The following ENTREP2 variants were observed in gnomAD, a reference collection of about 807,000 sequenced individuals.
ENTREP2 encodes endosomal transmembrane epsin interactor 2, also known as protein ENTREP2.
chr15:29,319,695 G>A, the ENTREP2 span, among the ~76,000 whole-genome samples: 1 of 152,212 alleles, frequency 6.6e-6, no homozygotes, highest in Non-Finnish European at 1.5e-5. Flanking sequence ...AGAGAGCTGA[G>A]GTTGCAGAAC....
At chr15:29,432,922 G>A in the ENTREP2 span, among the ~76,000 whole-genome samples, 15 of 152,190 alleles carry the variant, frequency 9.9e-5, no homozygotes, top group East Asian at 5.8e-4. Context: ...AACAGGCACC[G>A]GGTATAATCA....
the ENTREP2 span, among the ~76,000 whole-genome samples, chr15:29,313,185 T>C: frequency 6.6e-6 from 1 of 152,230 alleles, no homozygotes; most frequent in Non-Finnish European, 1.5e-5. Context: ...CAGAGGTTGG[T>C]TCCTGAAGTT....
At chr15:29,234,394 A>T in the ENTREP2 span, 1 of 1,551,564 alleles carries the variant, frequency 6.4e-7, no homozygotes, top group Admixed American at 1.7e-5. Context: ...TATTATTAAG[A>T]TGGGAAGCAA....
At chr15:29,411,812 C>T in the ENTREP2 span, among the ~76,000 whole-genome samples, 1 of 152,214 alleles carries the variant, frequency 6.6e-6, no homozygotes, top group Non-Finnish European at 1.5e-5. Flanking sequence ...CCACCTGACA[C>T]TGATTCTCTT....
the ENTREP2 span, among the ~76,000 whole-genome samples, chr15:29,275,749 T>C: frequency 6.6e-6 from 1 of 152,256 alleles, no homozygotes; most frequent in Non-Finnish European, 1.5e-5. Flanking sequence ...TCTTCATTCA[T>C]GGTATTTCTT....
the ENTREP2 span, among the ~76,000 whole-genome samples, chr15:29,489,265 T>C: frequency 6.6e-6 from 1 of 152,090 alleles, no homozygotes; most frequent in South Asian, 2.1e-4. Flanking sequence ...CCGAGAGAAA[T>C]ATGGAGCGAG....
chr15:29,398,673 A>G, the ENTREP2 span, among the ~76,000 whole-genome samples: 1 of 152,194 alleles, frequency 6.6e-6, no homozygotes, highest in East Asian at 1.9e-4. Context: ...GCAATGAGCC[A>G]AGATCACGCC....
chr15:29,510,391 A>G, the ENTREP2 span, among the ~76,000 whole-genome samples: 1 of 152,224 alleles, frequency 6.6e-6, no homozygotes, highest in Non-Finnish European at 1.5e-5. Flanking sequence ...TAGCAATCCC[A>G]TTACTGGGTA....
At chr15:29,450,094 T>G in the ENTREP2 span, among the ~76,000 whole-genome samples, 1 of 152,184 alleles carries the variant, frequency 6.6e-6, no homozygotes, top group South Asian at 2.1e-4. Context: ...TTAATGAGTT[T>G]CTTAGTTTTT....
the ENTREP2 span, among the ~76,000 whole-genome samples, chr15:29,371,858 A>G: frequency 4.6e-5 from 7 of 152,118 alleles, no homozygotes; most frequent in South Asian, 1.5e-3. Flanking sequence ...TCAATTTAGA[A>G]GGTAGAGCAT....
the ENTREP2 span, among the ~76,000 whole-genome samples, chr15:29,439,762 C>G: frequency 6.6e-6 from 1 of 152,218 alleles, no homozygotes; most frequent in Admixed American, 6.5e-5. Context: ...GGAGGCAAAG[C>G]TTAATCCTCC....
the ENTREP2 span, among the ~76,000 whole-genome samples, chr15:29,662,271 A>C: frequency 4.6e-5 from 7 of 151,796 alleles, no homozygotes; most frequent in African/African-American, 1.7e-4. Context: ...ACAGCTGCAT[A>C]ACTGAGGCTC....
the ENTREP2 span, among the ~76,000 whole-genome samples, chr15:29,420,517 T>C: frequency 2.6e-5 from 4 of 152,122 alleles, no homozygotes; most frequent in African/African-American, 9.7e-5. Flanking sequence ...TCACCGGGTA[T>C]GCAAAGCAGT....
the ENTREP2 span, among the ~76,000 whole-genome samples, chr15:29,322,302 G>C: frequency 6.6e-6 from 1 of 151,924 alleles, no homozygotes; most frequent in Non-Finnish European, 1.5e-5. Flanking sequence ...ATATTCTATT[G>C]GCAATTTTCA....
At chr15:29,585,824 C>T in the ENTREP2 span, among the ~76,000 whole-genome samples, 2 of 146,126 alleles carry the variant, frequency 1.4e-5, no homozygotes, top group African/African-American at 5.1e-5. Context: ...CCATTGCACT[C>T]CAGCCTGGGC....
chr15:29,297,581 CAT>C, the ENTREP2 span, among the ~76,000 whole-genome samples: 1 of 152,160 alleles, frequency 6.6e-6, no homozygotes, highest in African/African-American at 2.4e-5. Context: ...AGGCATCACA[CAT>C]TAAAAGTTGC....
the ENTREP2 span, among the ~76,000 whole-genome samples, chr15:29,191,504 G>A: frequency 1.3e-5 from 2 of 151,882 alleles, no homozygotes; most frequent in Middle Eastern, 6.8e-3. Context: ...AGGGCTCATG[G>A]AAAAAAAAGA....
the ENTREP2 span, among the ~76,000 whole-genome samples, chr15:29,403,665 CTA>C: frequency 6.6e-6 from 1 of 152,196 alleles, no homozygotes; most frequent in Non-Finnish European, 1.5e-5. Context: ...AAACCGCACA[CTA>C]TTTATGCAAA....
chr15:29,188,876 C>A, the ENTREP2 span, among the ~76,000 whole-genome samples: 15 of 152,290 alleles, frequency 9.8e-5, no homozygotes, highest in Admixed American at 7.8e-4. Flanking sequence ...AAATAAAAGT[C>A]CCTGAACGGA....
Sources: gnomAD v4.1 joint callset for allele counts (sites outside exome capture counted in the v4.1 genomes callset) on GRCh38, gnomAD v4.1.1 for gene constraint, MANE v1.5 for transcripts, NCBI Gene and HGNC (gene_info 2026-07-23, HGNC 2026-07-21) for gene names.